Variants in SYNE1 observed in about 807,000 individuals in gnomAD.
SYNE1 encodes the protein nesprin-1.
Under a neutral mutation model 1,111.0 loss-of-function variants are expected in SYNE1, and 616 were observed. The observed-to-expected ratio is 0.55, with a 90% CI of 0.52 to 0.59. SYNE1 has a LOEUF of 0.59. Among genes scored for constraint, SYNE1 ranks in the 20% least tolerant of loss-of-function variants. The pLI, the probability that SYNE1 is intolerant of heterozygous loss-of-function variation, is 0.00. For missense variants in SYNE1, 10,006 were observed against 10,417.0 expected, an observed-to-expected ratio of 0.96 and a Z score of 1.72; for synonymous variants, 3,855 against 3,825.8, an observed-to-expected ratio of 1.01 and a Z score of -0.28.
At chr6:152,588,025 C>G (rs1188391833) in intron 3 of SYNE1, among the ~76,000 whole-genome samples, 1 of 152,174 alleles carries the variant, frequency 6.6e-6, no homozygotes, top group Non-Finnish European at 1.5e-5. Context: ...CAGGATTTAA[C>G]TGGACACTTA....
At chr6:152,577,542 A>G (rs947092720) in intron 3 of SYNE1, among the ~76,000 whole-genome samples, 6 of 152,146 alleles carry the variant, frequency 3.9e-5, no homozygotes, top group Non-Finnish European at 7.4e-5. Flanking sequence ...CTGAGGCAGG[A>G]GAATGGCGTG....
At chr6:152,635,613 A>G (rs2099704694) in intron 2 of SYNE1, among the ~76,000 whole-genome samples, 1 of 152,156 alleles carries the variant, frequency 6.6e-6, no homozygotes, top group Admixed American at 6.5e-5. Context: ...AAATTATTAT[A>G]CTTTCTCTTG....
intron 3 of SYNE1, among the ~76,000 whole-genome samples, chr6:152,598,013 A>G (rs1049713655): frequency 1.3e-5 from 2 of 152,150 alleles, no homozygotes; most frequent in South Asian, 4.1e-4. Context: ...CCCTTATTAC[A>G]TTTAAACGAG....
rs144340657 is a variant in SYNE1, at chr6:152,493,623, C to T, written c.939+5119G>A. Reference sequence around the variant, plus strand: ...ATCTTCCCAACAGGACATCCTCCTGCTCCTCCAACATCTATTCTCAAAAGG... The same window carrying T: ...ATCTTCCCAACAGGACATCCTCCTGTTCCTCCAACATCTATTCTCAAAAGG... On this transcript the variant is annotated intron_variant, in intron 11 of 145. Transcript: ENST00000367255. Among the ~76,000 whole-genome samples, 480 of 152,266 alleles carry T rather than the reference C, an allele frequency of 3.2e-3. 5 individuals are homozygous for T. The highest frequency in any genetic ancestry group is 0.01 in the African/African-American group (420 of 41,548).
intron 84 of SYNE1, among the ~76,000 whole-genome samples, 195 bp downstream of exon 84, chr6:152,321,043 T>C (rs2095858336): frequency 6.6e-6 from 1 of 152,220 alleles, no homozygotes; most frequent in Non-Finnish European, 1.5e-5. Flanking sequence ...TTTAATTGTA[T>C]GGCATTATTG....
At chr6:152,598,765 C>T (rs1297140726) in intron 3 of SYNE1, among the ~76,000 whole-genome samples, 1 of 152,152 alleles carries the variant, frequency 6.6e-6, no homozygotes, top group Non-Finnish European at 1.5e-5. Context: ...GAAACAGAAG[C>T]AGGTAACATA....
Position 152,398,624 on chromosome 6 carries a change from G to A in SYNE1, c.7345C>T (p.Leu2449Phe), listed in dbSNP as rs757562714. The A allele has an allele frequency of 1.9e-5, 31 of 1,613,432 alleles. No homozygotes were observed. The South Asian group carries it at 2.5e-4, about 13-fold the overall frequency. ...AAGGATGTCAGCTTCTATACCTGAAGATCATGGAGCTTTGCTTCTAGAACT... is the reference window on the plus strand; with the variant it reads ...AAGGATGTCAGCTTCTATACCTGAAAATCATGGAGCTTTGCTTCTAGAACT... ...SKVLEAKLHDLQNILDSVSDG... is the reference protein window; with the variant it reads ...SKVLEAKLHDFQNILDSVSDG... The change falls in exon 49 of 146, where the codon CTT becomes TTT. Residue 2449 changes from leucine to phenylalanine, a missense_variant. By Grantham distance (22) the Leu-to-Phe change is conservative. Around this residue, in one of 7 missense-constraint regions of SYNE1, gnomAD observed 4,955 missense variants for 5,017.2 expected, o/e 0.99. Transcript: ENST00000367255.
At chr6:152,434,814 A>ACCCTT (rs2098458605) in intron 33 of SYNE1, 1 of 152,190 alleles carries the variant, frequency 6.6e-6, no homozygotes, top group Non-Finnish European at 1.5e-5. Flanking sequence ...GCACTTGAAG[A>ACCCTT]CATCAAGAAA....
In SYNE1 at chr6:152,266,934, TG is replaced by T. The variant is rs549178837; in HGVS notation, c.18815+1121del. 3.6e-3 allele frequency among the ~76,000 whole-genome samples: 542 copies of T among 152,316 alleles called. 3 individuals are homozygous for T. The highest frequency in any genetic ancestry group is 5.3e-3 in the Non-Finnish European group (363 of 68,014). Reference sequence around the variant, plus strand: ...ATTCCTATGTCGTCCATCTCTAAAATGTTTTTTTTATTATTGACGGTCTATT... The same window carrying T: ...ATTCCTATGTCGTCCATCTCTAAAATTTTTTTTTATTATTGACGGTCTATT... On this transcript the variant is annotated intron_variant, in intron 100 of 145. Transcript: ENST00000367255.
At chr6:152,224,403 G>T in intron 117 of SYNE1, 91 bp downstream of exon 117, 2 of 1,092,524 alleles carry the variant, frequency 1.8e-6, no homozygotes, top group Non-Finnish European at 1.4e-6. Context: ...ACAACATATG[G>T]CAATATTTCA....
chr6:152,326,506 G>A lies in SYNE1; in HGVS notation c.15083C>T (p.Ala5028Val). The A allele has an allele frequency of 6.2e-7, 1 of 1,614,160 alleles. No individual in the cohort carries two copies. The highest frequency in any genetic ancestry group is 1.6e-4 in the Middle Eastern group (1 of 6,062). ...LAGNGLDVES[A>V]EENLKSHMEF... ...CATGTGGCTTTTGAGATTTTCCTCT[G>A]CGCTCTCCACGTCTAGGCCATTGCC... The change falls in exon 79 of 146, where the codon GCA (alanine) becomes GTA (valine). Residue 5028 changes from alanine (A) to valine (V), a missense_variant. Ala to Val is a moderately conservative substitution (Grantham distance 64, BLOSUM62 0). Transcript: ENST00000367255.
chr6:152,185,786 GAT>G (rs1172335538), intron 128 of SYNE1, among the ~76,000 whole-genome samples: 2 of 152,274 alleles, frequency 1.3e-5, no homozygotes, highest in African/African-American at 4.8e-5. Flanking sequence ...TGGCTGTCTA[GAT>G]ATATCTAAGT....
chr6:152,204,298 G>A (rs2076080933), intron 126 of SYNE1, among the ~76,000 whole-genome samples: 1 of 151,516 alleles, frequency 6.6e-6, no homozygotes. Context: ...CCAGAAGAGT[G>A]GAGGTTGCAA....
Position 152,308,475 on chromosome 6 carries a change from T to G in SYNE1, c.17346+14A>C. 1.2e-6 allele frequency: 2 copies of G among 1,614,148 alleles called. No individual in the cohort carries two copies. The highest frequency in any genetic ancestry group is 2.2e-5 in the South Asian group (2 of 91,080). On this transcript the variant is annotated intron_variant, in intron 91 of 145. Transcript: ENST00000367255. ...AGTTTCCTGCCCTCGGTATTTCGCC[T>G]ACATTCCTCTCACCTCATGCCGAGA...
rs1435024826 is a variant in SYNE1, at chr6:152,301,979, G to T, written c.17431C>A (p.His5811Asn). ...GTCACCGTCAGCAGCATGGTGGCGT[G>T]CTTGGCTTTCATCGTCAGCATCTTG... is the stretch of plus-strand genomic sequence containing the variant. ...KCKMLTMKAKHATMLLTVTEV... is the reference protein window; with the variant it reads ...KCKMLTMKAKNATMLLTVTEV... The change falls in exon 92 of 146, where the codon CAC becomes AAC. Residue 5811 changes from histidine (H) to asparagine (N), a missense_variant. Physicochemically the swap from His to Asn is moderately conservative, Grantham distance 68. Transcript: ENST00000367255. 2 of 1,614,250 alleles carry T rather than the reference G, an allele frequency of 1.2e-6. No homozygotes were observed. Among genetic ancestry groups the T allele is most frequent in the Non-Finnish European group, 1.7e-6 (2 of 1,180,040 alleles).
At chr6:152,474,131 G>A (rs2098822358) in intron 14 of SYNE1, among the ~76,000 whole-genome samples, 1 of 151,912 alleles carries the variant, frequency 6.6e-6, no homozygotes, top group Admixed American at 6.5e-5. Context: ...GTCGCAGTGA[G>A]GGAAGATCAC....
intron 13 of SYNE1, among the ~76,000 whole-genome samples, chr6:152,483,499 G>A (rs2098920651): frequency 6.6e-6 from 1 of 152,174 alleles, no homozygotes; most frequent in East Asian, 1.9e-4. Context: ...ATTATCAGAA[G>A]TGTAAGCAAT....
chr6:152,488,596 TTTAG>T, intron 11 of SYNE1, 93 bp from the exon 12 acceptor site: 9 of 764,318 alleles, frequency 1.2e-5, no homozygotes, highest in Non-Finnish European at 2.0e-5. Context: ...AGACTTAATA[TTTAG>T]TAAGTCCCAA....
chr6:152,204,349 C>G (rs116624864), intron 126 of SYNE1, among the ~76,000 whole-genome samples: 4,319 of 140,986 alleles, frequency 0.031, 209 homozygotes, highest in African/African-American at 0.11. Context: ...CTGGGTGACA[C>G]AGGGAGACTC....
Sources: gnomAD v4.1 joint callset for allele counts (sites outside exome capture counted in the v4.1 genomes callset) on GRCh38, gnomAD v4.1.1 for gene constraint, gnomAD v4.1.1 regional missense constraint, MANE v1.5 for transcripts, NCBI Gene and HGNC (gene_info 2026-07-23, HGNC 2026-07-21) for gene names.